ZIK1: variants seen among roughly 807,000 people sequenced by gnomAD.
ZIK1 encodes zinc finger protein interacting with ribonucleoprotein K.
A neutral mutation model predicts 10.7 loss-of-function variants in ZIK1; 12 were observed. That is an observed-to-expected ratio of 1.12 (90% confidence interval 0.72 to 1.81). The LOEUF (loss-of-function observed/expected upper bound fraction) is 1.81. ZIK1 is among the 40% of genes most tolerant of loss of function. The probability of loss-of-function intolerance (pLI) is 0.00; values close to 1 mark genes in which losing one functional copy is unlikely to be tolerated. For synonymous variants in ZIK1, 190 were observed against 205.0 expected (o/e 0.93, Z 0.63); for missense variants, 497 against 585.7 (o/e 0.85, Z 1.56).
rs1262324630 is a variant in ZIK1 at position 57,592,801 on chromosome 19, C to G, written c.*1526C>G. 4.6e-5 allele frequency: 7 copies of G among 152,132 alleles called. No individual in the cohort carries two copies. Among genetic ancestry groups the G allele is most frequent in the Admixed American group, 3.9e-4 (6 of 15,270 alleles). 9.4% of individuals were successfully genotyped at this position (152,132 alleles called of 1,614,324 possible). On this transcript the variant is annotated 3_prime_UTR_variant, in exon 4 of 4. Coordinates refer to ENST00000597850, the MANE Select transcript of ZIK1 (RefSeq NM_001010879.4). ...ACTTTCTTGATGTGTAAGTGACATG[C>G]CATAGTTTACATCCATTTATGGTGT...
intron 2 of ZIK1, 143 bp downstream of exon 2, chr19:57,585,133 T>C: frequency 1.4e-6 from 1 of 717,456 alleles, no homozygotes; most frequent in Non-Finnish European, 2.2e-6. Context: ...AGACTGGTGG[T>C]TATTTGTAGA....
Position 57,590,474 on chromosome 19 carries a change from G to GTA in ZIK1, c.663_664insTA (p.His222TyrfsTer62). On this transcript the variant is annotated frameshift_variant, in exon 4 of 4. Transcript: ENST00000597850. LOFTEE classifies it low-confidence loss of function (END_TRUNC). ...CAGGTGAATGTGGGAAGGCTTCCAG[G>GTA]CACAAACACACTCCTGTTTACCATC... 6.2e-7 allele frequency: 1 copy of GTA among 1,614,008 alleles called. No homozygotes were observed. Among genetic ancestry groups the GTA allele is most frequent in the East Asian group, 2.2e-5 (1 of 44,856 alleles).
At chr19:57,587,294 T>A (rs1194398499) in intron 2 of ZIK1, among the ~76,000 whole-genome samples, 1 of 152,170 alleles carries the variant, frequency 6.6e-6, no homozygotes, top group Non-Finnish European at 1.5e-5. Flanking sequence ...ATTAGGGACA[T>A]AAGACAGACA....
At chr19:57,584,805 G>T in intron 1 of ZIK1, 147 bp from the exon 2 acceptor site, 1 of 1,046,156 alleles carries the variant, frequency 9.6e-7, no homozygotes, top group Non-Finnish European at 1.4e-6. Flanking sequence ...GCTAAGAGTT[G>T]GCACTGAGGA....
chr19:57,585,582 G>T (rs1979076701), intron 2 of ZIK1, among the ~76,000 whole-genome samples: 1 of 152,184 alleles, frequency 6.6e-6, no homozygotes, highest in African/African-American at 2.4e-5. Context: ...AGGCCTGCTT[G>T]CATTTTCAGA....
In ZIK1 at chr19:57,591,473, A is replaced by G; in HGVS notation, c.*198A>G. 1 of 610,180 alleles carries G rather than the reference A, an allele frequency of 1.6e-6. No individual in the cohort carries two copies. The highest frequency in any genetic ancestry group is 2.8e-6 in the Non-Finnish European group (1 of 352,508). The allele number at this position is 610,180 out of a possible 1,614,324, so 37.8% of individuals were successfully genotyped here. On this transcript the variant is annotated 3_prime_UTR_variant, in exon 4 of 4. Transcript: ENST00000597850. ...CCTCATTCTTCCTTGTTTCTCTGGT[A>G]GAAACCATCTACCCTCTACCACCTT...
chr19:57,589,095 T>C (rs1308545786), intron 3 of ZIK1, among the ~76,000 whole-genome samples: 2 of 152,296 alleles, frequency 1.3e-5, no homozygotes, highest in Admixed American at 1.3e-4. Context: ...TTTAATGATA[T>C]TAACTTTCTT....
rs751843420 is a variant in ZIK1 at position 57,591,058 on chromosome 19, T to G, written c.1247T>G (p.Phe416Cys). Residue 416 changes from phenylalanine (F) to cysteine (C), a missense_variant, in exon 4 of 4, where the codon TTT (phenylalanine) becomes TGT (cysteine). Transcript: ENST00000597850. Reference protein sequence around the residue: ...PYKCGDCGKSFSQSSILIQHR... With the variant: ...PYKCGDCGKSCSQSSILIQHR... ...AAGTGTGGTGACTGTGGGAAATCCT[T>G]TAGTCAAAGCTCCATCCTTATTCAA... The G allele has an allele frequency of 1.9e-6, 3 of 1,613,976 alleles. No homozygotes were observed. Among genetic ancestry groups the G allele is most frequent in the Non-Finnish European group, 2.5e-6 (3 of 1,179,968 alleles).
Position 57,588,782 on chromosome 19 carries a change from TAACACCTGCTGCCCAGTGGTCTGGG to T in ZIK1, c.199+152_199+176del, listed in dbSNP as rs547714411. The T allele has an allele frequency of 1.1e-3, 1,211 of 1,141,956 alleles. 19 individuals carry two copies. In the East Asian group the frequency reaches 0.025, roughly 24 times the overall value. 70.7% of individuals were successfully genotyped at this position (1,141,956 alleles called of 1,614,324 possible). On this transcript the variant is annotated intron_variant, in intron 3 of 3. Transcript: ENST00000597850. ...GCACTGTGCACTGCCTGAGTAGCCC[TAACACCTGCTGCCCAGTGGTCTGGG>T]AACACCTGCTGCCCAGTGGTCTGGG...
At chr19:57,587,030 AG>A in intron 2 of ZIK1, among the ~76,000 whole-genome samples, 1 of 152,248 alleles carries the variant, frequency 6.6e-6, no homozygotes, top group South Asian at 2.1e-4. Flanking sequence ...GGAGGGTGAA[AG>A]GCATGTCTTG....
At position 57,590,550 on chromosome 19, in the gene ZIK1, G is replaced by C; in HGVS notation, c.739G>C (p.Ala247Pro). The part of the protein sequence containing the change: ...KLYECSKCGK[A>P]FRGKYSLVQH... ...TTATGAGTGTAGCAAATGTGGGAAAGCCTTCCGTGGCAAGTACTCACTTGT... is the reference window on the plus strand; with the variant it reads ...TTATGAGTGTAGCAAATGTGGGAAACCCTTCCGTGGCAAGTACTCACTTGT... The change falls in exon 4 of 4, where the codon GCC becomes CCC. Residue 247 changes from alanine (A) to proline (P), a missense_variant. By Grantham distance (27) the Ala-to-Pro change is conservative. Coordinates refer to ENST00000597850, the MANE Select transcript of ZIK1 (RefSeq NM_001010879.4). 2 of 1,614,200 alleles carry C rather than the reference G, an allele frequency of 1.2e-6. No homozygotes were observed. The highest frequency in any genetic ancestry group is 1.7e-6 in the Non-Finnish European group (2 of 1,180,034).
At position 57,585,807 on chromosome 19, in the gene ZIK1, C is replaced by T. The variant is rs1979097464; in HGVS notation, c.72+817C>T. ...CTTTGCAACCTCCACCTCCCGGGTT[C>T]AAGCAATCCTCCTGCCTCAGCCTCC... On this transcript the variant is annotated intron_variant, in intron 2 of 3. Transcript: ENST00000597850. 2.6e-5 allele frequency among the ~76,000 whole-genome samples: 4 copies of T among 152,092 alleles called. No homozygotes were observed. The South Asian group carries it at 8.3e-4, about 32-fold the overall frequency.
At chr19:57,587,638 A>G (rs1979283211) in intron 2 of ZIK1, among the ~76,000 whole-genome samples, 1 of 152,206 alleles carries the variant, frequency 6.6e-6, no homozygotes, top group Non-Finnish European at 1.5e-5. Flanking sequence ...TCTGTGAGAA[A>G]TAAATTTCTG....
intron 2 of ZIK1, among the ~76,000 whole-genome samples, chr19:57,586,867 C>A (rs940954737): frequency 6.6e-6 from 1 of 152,194 alleles, no homozygotes; most frequent in Non-Finnish European, 1.5e-5. Context: ...GTTATCTTTA[C>A]AGCACAGCCC....
In ZIK1 at chr19:57,584,187, C is replaced by G; in HGVS notation, c.-170C>G. On this transcript the variant is annotated 5_prime_UTR_variant, in exon 1 of 4. Coordinates refer to ENST00000597850, the MANE Select transcript of ZIK1 (RefSeq NM_001010879.4). ...CAGCGCTTGGGTGCATCCAGACCGT[C>G]AGAGCTTTGGGAGCGCTTTGTTTGG... 1 of 1,313,692 alleles carries G rather than the reference C, an allele frequency of 7.6e-7. No homozygotes were observed. Among genetic ancestry groups the G allele is most frequent in the South Asian group, 1.5e-5 (1 of 65,672 alleles). The allele number at this position is 1,313,692 out of a possible 1,614,324, so 81.4% of individuals were successfully genotyped here.
intron 2 of ZIK1, among the ~76,000 whole-genome samples, chr19:57,586,366 C>T (rs1979158977): frequency 6.6e-6 from 1 of 152,046 alleles, no homozygotes; most frequent in Non-Finnish European, 1.5e-5. Context: ...AGTTCTAGAC[C>T]AGCTTGGCCA....
intron 3 of ZIK1, chr19:57,589,541 A>G (rs1269491359): frequency 2.0e-6 from 2 of 985,298 alleles, no homozygotes; most frequent in African/African-American, 3.5e-5. Context: ...CAACATTGAC[A>G]CACACATAAT....
At position 57,586,326 on chromosome 19, in the gene ZIK1, G is replaced by A. The variant is rs1568612795; in HGVS notation, c.72+1336G>A. Among the ~76,000 whole-genome samples, 6 of 152,206 alleles carry A rather than the reference G, an allele frequency of 3.9e-5. No homozygotes were observed. The South Asian group carries it at 1.2e-3, about 32-fold the overall frequency. The stretch of plus-strand genomic sequence containing the variant: ...ACCTGTAATCCCAGCACTTTGGGCG[G>A]CCGAGGCAGGCGGATCACTTGAGGT... On this transcript the variant is annotated intron_variant, in intron 2 of 3. Coordinates refer to ENST00000597850, the MANE Select transcript of ZIK1 (RefSeq NM_001010879.4).
intron 2 of ZIK1, 127 bp from the exon 3 acceptor site, chr19:57,588,412 G>A (rs1297474027): frequency 7.4e-5 from 83 of 1,128,132 alleles, no homozygotes; most frequent in Middle Eastern, 3.1e-4. Context: ...GTGATCATTG[G>A]GACCATGAAA....
Sources: gnomAD v4.1 joint callset for allele counts (sites outside exome capture counted in the v4.1 genomes callset) on GRCh38, gnomAD v4.1.1 for gene constraint, MANE v1.5 for transcripts, NCBI Gene and HGNC (gene_info 2026-07-23, HGNC 2026-07-21) for gene names.